STARD9: variants seen among roughly 807,000 people sequenced by gnomAD.
STARD9 encodes stAR-related lipid transfer protein 9.
STARD9 carries 346 observed loss-of-function variants against 399.8 expected under a neutral mutation model. That is an observed-to-expected ratio of 0.87 (90% CI 0.79 to 0.95). The LOEUF (loss-of-function observed/expected upper bound fraction) is 0.95, where lower values mean the gene tolerates loss of function less well. STARD9 is among the 40% of genes least tolerant of loss of function. The pLI, the probability that STARD9 is intolerant of heterozygous loss-of-function variation, is 0.00. For missense variants in STARD9, 5,832 were observed against 5,667.5 expected (o/e 1.03, Z -0.93); for synonymous variants, 2,203 against 2,143.5 (o/e 1.03, Z -0.77).
rs767615006 is a variant in STARD9 at position 42,669,254 on chromosome 15, G to A, written c.1414G>A (p.Val472Met). 1 of 1,537,012 alleles carries A rather than the reference G, an allele frequency of 6.5e-7. No individual in the cohort carries two copies. The highest frequency in any genetic ancestry group is 8.7e-7 in the Non-Finnish European group (1 of 1,146,812). The change falls in exon 16 of 33, where the codon GTG (valine) becomes ATG (methionine). Residue 472 changes from valine to methionine, a missense_variant. By Grantham distance (21) the Val-to-Met change is conservative (BLOSUM62 1). Around this residue, in one of 2 missense-constraint regions of STARD9, gnomAD observed 5,828 missense variants for 5,651.1 expected, o/e 1.03. Transcript: ENST00000290607. ...GGACATCAACAGGAGGAGGGCTGGG[G>A]TGGTCATCGACTCCAGCCTGCCACA... ...SVDINRRRAGVVIDSSLPHLM... is the reference protein window; with the variant it reads ...SVDINRRRAGMVIDSSLPHLM...
At position 42,689,094 on chromosome 15, in the gene STARD9, C is replaced by T; in HGVS notation, c.7516C>T (p.Gln2506Ter). ...EDSDQASKPRQKAEKETEDVG... is the reference protein window; with the variant it reads ...EDSDQASKPR ...TAGTGACCAAGCCAGCAAGCCAAGG[C>T]AGAAGGCAGAGAAGGAGACTGAGGA... Residue 2506 changes from glutamine to a stop codon, truncating the protein, a stop_gained, in exon 23 of 33, where the codon CAG becomes TAG. Coordinates refer to ENST00000290607, the MANE Select transcript of STARD9 (RefSeq NM_020759.3). LOFTEE classifies it high-confidence loss of function. 2 of 1,537,290 alleles carry T rather than the reference C, an allele frequency of 1.3e-6. No individual in the cohort carries two copies. The highest frequency in any genetic ancestry group is 1.7e-6 in the Non-Finnish European group (2 of 1,146,908).
chr15:42,682,695 A>C (rs1247130996), intron 22 of STARD9, 120 bp downstream of exon 22: 1 of 781,786 alleles, frequency 1.3e-6, no homozygotes, highest in Non-Finnish European at 2.0e-6. Context: ...AAGAATGTGT[A>C]TATTTCTCTC....
Position 42,709,126 on chromosome 15 carries a change from T to TTACA in STARD9, c.13285-7551_13285-7550insTACA, listed in dbSNP as rs1334310170. Among the ~76,000 whole-genome samples, 2 of 152,186 alleles carry TTACA rather than the reference T, an allele frequency of 1.3e-5. 1 individual carries two copies. The highest frequency in any genetic ancestry group is 1.3e-4 in the Admixed American group (2 of 15,276). On this transcript the variant is annotated intron_variant, in intron 26 of 32. Coordinates refer to ENST00000290607, the MANE Select transcript of STARD9 (RefSeq NM_020759.3). ...GATTAATGAACATGGCTGAATGTGGTGGCTGACGCCTGTAATCCCAGTGCT... is the reference window on the plus strand; with the variant it reads ...GATTAATGAACATGGCTGAATGTGGTTACAGGCTGACGCCTGTAATCCCAGTGCT...
chr15:42,596,554 C>T (rs891233173), intron 3 of STARD9, among the ~76,000 whole-genome samples: 2 of 152,190 alleles, frequency 1.3e-5, no homozygotes, highest in Admixed American at 6.5e-5. Context: ...AGGCAGACTG[C>T]TAACAGGTGC....
intron 22 of STARD9, among the ~76,000 whole-genome samples, chr15:42,682,875 C>T (rs2060465127): frequency 6.6e-6 from 1 of 152,138 alleles, no homozygotes; most frequent in African/African-American, 2.4e-5. Flanking sequence ...TAGACCTGGG[C>T]TATCCATATA....
At chr15:42,589,864 C>G (rs1471641554) in intron 3 of STARD9, among the ~76,000 whole-genome samples, 1 of 151,704 alleles carries the variant, frequency 6.6e-6, no homozygotes, top group African/African-American at 2.4e-5. Flanking sequence ...CTTGGCCTCC[C>G]AAAGTGCTGG....
intron 1 of STARD9, among the ~76,000 whole-genome samples, chr15:42,582,157 A>T (rs1450032606): frequency 6.6e-6 from 1 of 152,170 alleles, no homozygotes; most frequent in Non-Finnish European, 1.5e-5. Flanking sequence ...TCAATAAACA[A>T]AATTAAATCT....
In STARD9 at chr15:42,718,948, T is replaced by C. The variant is rs1338432360; in HGVS notation, c.14001+38T>C. 3 of 1,527,752 alleles carry C rather than the reference T, an allele frequency of 2.0e-6. No individual in the cohort carries two copies. In the South Asian group the frequency reaches 3.6e-5, roughly 18 times the overall value. 94.6% of individuals were successfully genotyped at this position (1,527,752 alleles called of 1,614,324 possible). A position where few individuals can be genotyped will look rare whatever the true frequency, so the allele number is the denominator to read the frequency against. On this transcript the variant is annotated intron_variant, in intron 32 of 32. Transcript: ENST00000290607. ...TTGCAGCTGGCCTCACAGCACAGGC[T>C]GACTTGGTCCCACAGCCCCCTGGGA...
intron 8 of STARD9, among the ~76,000 whole-genome samples, chr15:42,651,382 G>A (rs193284586): frequency 2.6e-5 from 4 of 152,062 alleles, no homozygotes; most frequent in Non-Finnish European, 4.4e-5. Context: ...TGGAAGAAAG[G>A]GTTCTTACCT....
intron 2 of STARD9, among the ~76,000 whole-genome samples, chr15:42,584,472 C>T (rs1271319286): frequency 6.6e-6 from 1 of 152,224 alleles, no homozygotes; most frequent in African/African-American, 2.4e-5. Flanking sequence ...AATCTGCCTT[C>T]TGCACACCTC....
Position 42,588,790 on chromosome 15 carries a change from T to G in STARD9, c.234+3153T>G, listed in dbSNP as rs1321556607. ...CTCTTCACAGCGTTTTTTTTTTTTTTTTTTTTTTTTTTTTTTTTTTTTTTT... is the reference window on the plus strand; with the variant it reads ...CTCTTCACAGCGTTTTTTTTTTTTTGTTTTTTTTTTTTTTTTTTTTTTTTT... On this transcript the variant is annotated intron_variant, in intron 3 of 32. Transcript: ENST00000290607. Among the ~76,000 whole-genome samples, 14 of 21,798 alleles carry G rather than the reference T, an allele frequency of 6.4e-4. No individual in the cohort carries two copies. The East Asian group carries it at 0.019, about 30-fold the overall frequency. The allele number at this position is 21,798 out of a possible 152,430, so 14.3% of individuals were successfully genotyped here. A position where few individuals can be genotyped will look rare whatever the true frequency, so the allele number is the denominator to read the frequency against.
chr15:42,714,290 TCTC>T (rs1196391876), intron 26 of STARD9, among the ~76,000 whole-genome samples: 1 of 151,984 alleles, frequency 6.6e-6, no homozygotes, highest in Non-Finnish European at 1.5e-5. Context: ...ATGGTCTCGA[TCTC>T]CTGACCTCGT....
At position 42,694,683 on chromosome 15, in the gene STARD9, A is replaced by G. The variant is rs981624748; in HGVS notation, c.12920A>G (p.Glu4307Gly). ...WDLDLPSRRR[E>G]YLQQLRKDVV... ...CTTGACTTGCCCAGCAGACGCCGAG[A>G]ATACCTGCAGCAACTGAGGAAGGAT... The change falls in exon 24 of 33, where the codon GAA becomes GGA. Residue 4307 changes from glutamate (E) to glycine (G), a missense_variant. Coordinates refer to ENST00000290607, the MANE Select transcript of STARD9 (RefSeq NM_020759.3). The G allele has an allele frequency of 3.9e-6, 6 of 1,537,064 alleles. No homozygotes were observed. In the African/African-American group the frequency reaches 8.2e-5, roughly 21 times the overall value.
intron 18 of STARD9, among the ~76,000 whole-genome samples, chr15:42,675,245 GA>G (rs1256827654): frequency 2.0e-5 from 3 of 152,218 alleles, no homozygotes; most frequent in Non-Finnish European, 4.4e-5. Context: ...ATAAAATGGG[GA>G]TAATAATAGA....
intron 9 of STARD9, among the ~76,000 whole-genome samples, chr15:42,660,153 A>T (rs552656522): frequency 2.6e-5 from 4 of 152,236 alleles, no homozygotes; most frequent in Admixed American, 2.6e-4. Context: ...ACTTACAGAC[A>T]TAGAAAGTTA....
chr15:42,643,242 G>T (rs535995793), intron 7 of STARD9, among the ~76,000 whole-genome samples: 4 of 152,168 alleles, frequency 2.6e-5, no homozygotes, highest in African/African-American at 9.6e-5. Context: ...TGTCACCCAG[G>T]CTGGAGCGCA....
Position 42,687,230 on chromosome 15 carries a change from TGAG to T in STARD9, c.5654_5656del (p.Glu1885del), listed in dbSNP as rs2060580452. Reference sequence around the variant, plus strand: ...ATAAAAAACACAGTTTTCCAGCACTTGAGGGAGGAGAGGTCACTGCTCAGTCCT... The same window carrying T: ...ATAAAAAACACAGTTTTCCAGCACTTGGAGGAGAGGTCACTGCTCAGTCCT... On this transcript the variant is annotated inframe_deletion, in exon 23 of 33. Coordinates refer to ENST00000290607, the MANE Select transcript of STARD9 (RefSeq NM_020759.3). 1 of 1,537,076 alleles carries T rather than the reference TGAG, an allele frequency of 6.5e-7. No homozygotes were observed. Among genetic ancestry groups the T allele is most frequent in the South Asian group, 1.2e-5 (1 of 84,062 alleles).
At chr15:42,668,038 C>T (rs1249817260) in intron 15 of STARD9, among the ~76,000 whole-genome samples, 4 of 152,176 alleles carry the variant, frequency 2.6e-5, no homozygotes, top group African/African-American at 9.7e-5. Flanking sequence ...AACTCATTAG[C>T]ATTCTTGCAT....
rs1327179633 is a variant in STARD9, at chr15:42,693,492, A to G, written c.11914A>G (p.Asn3972Asp). ...QRGRSSLQRSNGRSFLELHSP... is the reference protein window; with the variant it reads ...QRGRSSLQRSDGRSFLELHSP... ...AGGTAGAAGTTCCTTACAAAGGAGT[A>G]ATGGGAGATCCTTCCTTGAGTTGCA... The change falls in exon 23 of 33, where the codon AAT becomes GAT. Residue 3972 changes from asparagine (N) to aspartate (D), a missense_variant. Asn to Asp is a conservative substitution (Grantham distance 23). Around this residue, in one of 2 missense-constraint regions of STARD9, gnomAD observed 5,828 missense variants for 5,651.1 expected, o/e 1.03. Coordinates refer to ENST00000290607, the MANE Select transcript of STARD9 (RefSeq NM_020759.3). 6.5e-7 allele frequency: 1 copy of G among 1,537,244 alleles called. No homozygotes were observed. The highest frequency in any genetic ancestry group is 8.7e-7 in the Non-Finnish European group (1 of 1,146,904).
Sources: gnomAD v4.1 joint callset for allele counts (sites outside exome capture counted in the v4.1 genomes callset) on GRCh38, gnomAD v4.1.1 for gene constraint, gnomAD v4.1.1 regional missense constraint, MANE v1.5 for transcripts, NCBI Gene and HGNC (gene_info 2026-07-23, HGNC 2026-07-21) for gene names.